INTS5: variants seen among roughly 807,000 people sequenced by gnomAD.
INTS5 encodes KIAA1698.
Under a neutral mutation model 60.0 loss-of-function variants are expected in INTS5, and 29 were observed. That is an observed-to-expected ratio of 0.48 (90% CI 0.36 to 0.66). The LOEUF is 0.66. Among genes scored for constraint, INTS5 ranks in the 30% least tolerant of loss-of-function variants. The pLI is 0.00. For missense variants in INTS5, 1,129 were observed against 1,307.9 expected, an observed-to-expected ratio of 0.86 and a Z score of 2.11; for synonymous variants, 588 against 558.8, an observed-to-expected ratio of 1.05 and a Z score of -0.74.
chr11:62,647,893 C>T lies in INTS5; in HGVS notation c.2187G>A (p.Leu729=). The T allele has an allele frequency of 6.2e-7, 1 of 1,614,232 alleles. No homozygotes were observed. Among genetic ancestry groups the T allele is most frequent in the Non-Finnish European group, 8.5e-7 (1 of 1,180,040 alleles). The change falls in exon 2 of 2, where the codon TTG becomes TTA. Residue 729 remains leucine, a synonymous_variant. Coordinates refer to ENST00000330574, the MANE Select transcript of INTS5 (RefSeq NM_030628.2). ...CTGCAGTGTGCCTCCGGTTAGTGTC[C>T]AACAGGGAGGCAGAAGCCAAAGAAG... is the stretch of plus-strand genomic sequence containing the variant. The part of the protein sequence containing the change: ...VSASLASASL[L]DTNRRHTAAV...
rs1436023037 is a variant in INTS5 at position 62,647,687 on chromosome 11, C to A, written c.2393G>T (p.Cys798Phe). The A allele has an allele frequency of 7.4e-6, 12 of 1,614,042 alleles. No individual in the cohort carries two copies. Among genetic ancestry groups the A allele is most frequent in the Non-Finnish European group, 1.0e-5 (12 of 1,180,054 alleles). The change falls in exon 2 of 2, where the codon TGC (cysteine) becomes TTC (phenylalanine). Residue 798 changes from cysteine to phenylalanine, a missense_variant. By Grantham distance (205) the Cys-to-Phe change is radical. This residue lies in a region of INTS5 where 1,070 missense variants were observed against 1,246.1 expected (regional missense o/e 0.86). Transcript: ENST00000330574. ...SAPGGTECGE[C>F]WGAPILSPEA... is the part of the protein sequence containing the mutation. ...TGGACTCAAGATGGGTGCCCCCCAG[C>A]ATTCCCCACATTCAGTGCCCCCTGG...
chr11:62,653,035 G>C (rs556714805), intron 1 of INTS5, 135 bp downstream of exon 1: 3 of 536,544 alleles, frequency 5.6e-6, no homozygotes, highest in South Asian at 2.0e-4. Flanking sequence ...CAGTCCCTGA[G>C]TTCTGGGAGG....
chr11:62,648,839 G>C lies in INTS5; in HGVS notation c.1241C>G (p.Ala414Gly). Residue 414 changes from alanine (A) to glycine (G), a missense_variant, in exon 2 of 2, where the codon GCT (alanine) becomes GGT (glycine). Around this residue, in one of 3 missense-constraint regions of INTS5, gnomAD observed 1,070 missense variants for 1,246.1 expected, o/e 0.86. Coordinates refer to ENST00000330574, the MANE Select transcript of INTS5 (RefSeq NM_030628.2). This position sits in a 1 kb window ranked among gnomAD's most constrained non-coding sequence, Gnocchi z 4.4. ...YRLLQFLVDT[A>G]MPASVITTQG... ...GGTGGTAATGACCGAAGCAGGCATA[G>C]CTGTGTCCACCAGGAACTGCAGCAA... The C allele has an allele frequency of 6.2e-7, 1 of 1,614,064 alleles. No individual in the cohort carries two copies.
In INTS5 at chr11:62,650,871, CTAA is replaced by C. The variant is rs1721541358; in HGVS notation, c.81-875_81-873del. On this transcript the variant is annotated intron_variant, in intron 1 of 1. Transcript: ENST00000330574. Reference sequence around the variant, plus strand: ...TTCAAGCACATGCCACGACACCCAGCTAACTTTTTAACCTTTTTATAGAAATGA... The same window carrying C: ...TTCAAGCACATGCCACGACACCCAGCCTTTTTAACCTTTTTATAGAAATGA... Among the ~76,000 whole-genome samples, 3 of 152,248 alleles carry C rather than the reference CTAA, an allele frequency of 2.0e-5. No homozygotes were observed. The South Asian group carries it at 6.2e-4, about 32-fold the overall frequency.
intron 1 of INTS5, 116 bp from the exon 2 acceptor site, chr11:62,650,115 A>G (rs1046477510): frequency 8.3e-6 from 7 of 847,032 alleles, no homozygotes; most frequent in Middle Eastern, 2.3e-4. Context: ...TACTTCCCTC[A>G]TAAGAGAATT....
rs921124378 is a variant in INTS5, at chr11:62,653,160, C to T, written c.80+10G>A. Reference sequence around the variant, plus strand: ...CGCGATGGGGGGAAGGTGCCAAGGGCTCTAACTACCTGAGAGGCGCGGGAC... The same window carrying T: ...CGCGATGGGGGGAAGGTGCCAAGGGTTCTAACTACCTGAGAGGCGCGGGAC... On this transcript the variant is annotated intron_variant, in intron 1 of 1. Transcript: ENST00000330574. 4.0e-6 allele frequency: 5 copies of T among 1,244,356 alleles called. No individual in the cohort carries two copies. The highest frequency in any genetic ancestry group is 4.2e-5 in the Admixed American group (1 of 23,684). 77.1% of individuals were successfully genotyped at this position (1,244,356 alleles called of 1,614,324 possible).
chr11:62,648,482 C>T lies in INTS5; in HGVS notation c.1598G>A (p.Ser533Asn). 1 of 1,614,196 alleles carries T rather than the reference C, an allele frequency of 6.2e-7. No individual in the cohort carries two copies. Among genetic ancestry groups the T allele is most frequent in the Non-Finnish European group, 8.5e-7 (1 of 1,180,046 alleles). ...CCCTGCATATAACTGGGTGGCCAAA[C>T]TCAACTCTTCAGGGCTTCGGGCTCG... ...LSRARSPEEL[S>N]LATQLYAGLV... The change falls in exon 2 of 2, where the codon AGT becomes AAT. Residue 533 changes from serine to asparagine, a missense_variant. Around this residue, in one of 3 missense-constraint regions of INTS5, gnomAD observed 1,070 missense variants for 1,246.1 expected, o/e 0.86. Coordinates refer to ENST00000330574, the MANE Select transcript of INTS5 (RefSeq NM_030628.2). This position sits in a 1 kb window ranked among gnomAD's most constrained non-coding sequence, Gnocchi z 4.4.
chr11:62,648,051 G>A lies in INTS5; in HGVS notation c.2029C>T (p.Leu677=), dbSNP rs1944551623. The A allele has an allele frequency of 6.2e-7, 1 of 1,614,110 alleles. No individual in the cohort carries two copies. The highest frequency in any genetic ancestry group is 2.2e-5 in the East Asian group (1 of 44,896). ...AGCCCAGCTGGGGATGTCTGAGACA[G>A]GCGGGTGAGAAGCTGACAGGCTGAG... ...VASACQLLTR[L]SQTSPAGLKA... The change falls in exon 2 of 2, where the codon CTG becomes TTG. Residue 677 remains leucine, a synonymous_variant. Transcript: ENST00000330574. The surrounding 1 kb of genome is among the most constrained non-coding windows in gnomAD (Gnocchi z 4.4).
At position 62,649,934 on chromosome 11, in the gene INTS5, T is replaced by C; in HGVS notation, c.146A>G (p.Gln49Arg). 1 of 1,614,162 alleles carries C rather than the reference T, an allele frequency of 6.2e-7. No homozygotes were observed. The highest frequency in any genetic ancestry group is 8.5e-7 in the Non-Finnish European group (1 of 1,180,026). The change falls in exon 2 of 2, where the codon CAA (glutamine) becomes CGA (arginine). Residue 49 changes from glutamine (Q) to arginine (R), a missense_variant. Physicochemically the swap from Gln to Arg is conservative, Grantham distance 43. This residue lies in a region of INTS5 where 1,070 missense variants were observed against 1,246.1 expected (regional missense o/e 0.86). Coordinates refer to ENST00000330574, the MANE Select transcript of INTS5 (RefSeq NM_030628.2). The surrounding 1 kb of genome is among the most constrained non-coding windows in gnomAD (Gnocchi z 6.0). ...GCGAGCATGTTCCCGGGCTGAGAGT[T>C]GGTGGCCCAGAATGGGGTCTACGCC... ...LTGVDPILGHQLSAREHARCG... is the reference protein window; with the variant it reads ...LTGVDPILGHRLSAREHARCG...
chr11:62,647,366 T>C lies in INTS5; in HGVS notation c.2714A>G (p.Glu905Gly). ...PDTTHSPWHL[E>G]ASCTLVAVMA... ...GACAGCCACTAAGGTGCAGGATGCCTCCAGGTGCCAGGGGGAGTGGGTCGT... is the reference window on the plus strand; with the variant it reads ...GACAGCCACTAAGGTGCAGGATGCCCCCAGGTGCCAGGGGGAGTGGGTCGT... The change falls in exon 2 of 2, where the codon GAG becomes GGG. Residue 905 changes from glutamate to glycine, a missense_variant. Physicochemically the swap from Glu to Gly is moderately conservative, Grantham distance 98. Transcript: ENST00000330574. 6.2e-7 allele frequency: 1 copy of C among 1,613,548 alleles called. No individual in the cohort carries two copies. The highest frequency in any genetic ancestry group is 8.5e-7 in the Non-Finnish European group (1 of 1,179,868).
Position 62,649,273 on chromosome 11 carries a change from C to T in INTS5, c.807G>A (p.Gln269=), listed in dbSNP as rs1321715877. The change falls in exon 2 of 2, where the codon CAG becomes CAA. Residue 269 remains glutamine (Q), a synonymous_variant. Transcript: ENST00000330574. The surrounding 1 kb of genome is among the most constrained non-coding windows in gnomAD (Gnocchi z 6.0). The part of the protein sequence containing the change: ...GAGSSGGSSS[Q]TPSTDPFPGS... ...CAGGGAAGGGGTCTGTAGAGGGGGT[C>T]TGAGAAGAGCTTCCACCACTACTGC... 6.2e-7 allele frequency: 1 copy of T among 1,614,114 alleles called. No individual in the cohort carries two copies. The highest frequency in any genetic ancestry group is 1.7e-5 in the Admixed American group (1 of 60,014).
At position 62,649,994 on chromosome 11, in the gene INTS5, T is replaced by C. The variant is rs927191973; in HGVS notation, c.86A>G (p.Gln29Arg). The part of the protein sequence containing the change: ...ATHGPAPLSA[Q>R]ELSQEIKAFL... ...AGCCTTGATTTCCTGGGACAGCTCC[T>C]GAGCACTACAAGGAAGCAAAAGAAA... The change falls in exon 2 of 2, where the codon CAG (glutamine) becomes CGG (arginine). Residue 29 changes from glutamine (Q) to arginine (R), a missense_variant. Physicochemically the swap from Gln to Arg is conservative, Grantham distance 43. Coordinates refer to ENST00000330574, the MANE Select transcript of INTS5 (RefSeq NM_030628.2). This position sits in a 1 kb window ranked among gnomAD's most constrained non-coding sequence, Gnocchi z 6.0. 6.2e-7 allele frequency: 1 copy of C among 1,613,626 alleles called. No individual in the cohort carries two copies. Among genetic ancestry groups the C allele is most frequent in the South Asian group, 1.1e-5 (1 of 91,084 alleles).
rs1212134342 is a variant in INTS5, at chr11:62,648,381, G to C, written c.1699C>G (p.Gln567Glu). 6.2e-7 allele frequency: 1 copy of C among 1,614,048 alleles called. No homozygotes were observed. The highest frequency in any genetic ancestry group is 8.5e-7 in the Non-Finnish European group (1 of 1,180,042). Reference sequence around the variant, plus strand: ...AGGAACCGGGCCGTGAAGGGAGGCTGTAATGTCCCTGCATGCACCCGAGCC... The same window carrying C: ...AGGAACCGGGCCGTGAAGGGAGGCTCTAATGTCCCTGCATGCACCCGAGCC... ...CLARVHAGTL[Q>E]PPFTARFLRN... The change falls in exon 2 of 2, where the codon CAG becomes GAG. Residue 567 changes from glutamine to glutamate, a missense_variant. By Grantham distance (29) the Gln-to-Glu change is conservative (BLOSUM62 2). Transcript: ENST00000330574. The surrounding 1 kb of genome is among the most constrained non-coding windows in gnomAD (Gnocchi z 4.4).
Position 62,653,226 on chromosome 11 carries a change from G to C in INTS5, c.24C>G (p.Pro8=). MSALCDP[P]GAPGPPGPAP... is the part of the protein sequence containing the mutation. ...CAGGCCCAGGTGGCCCTGGGGCCCC[G>C]GGAGGGTCGCACAGCGCGGACATCC... is the stretch of plus-strand genomic sequence containing the variant. Residue 8 remains proline (P), a synonymous_variant, in exon 1 of 2, where the codon CCC becomes CCG. Transcript: ENST00000330574. 1 of 1,246,222 alleles carries C rather than the reference G, an allele frequency of 8.0e-7. No homozygotes were observed. The allele number at this position is 1,246,222 out of a possible 1,614,324, so 77.2% of individuals were successfully genotyped here.
chr11:62,652,083 G>GCCA (rs1944599442), intron 1 of INTS5, among the ~76,000 whole-genome samples: 1 of 151,370 alleles, frequency 6.6e-6, no homozygotes, highest in East Asian at 1.9e-4. Context: ...ACTCTGGGAG[G>GCCA]CCAAGGAGGG....
In INTS5 at chr11:62,648,373, G is replaced by C; in HGVS notation, c.1707C>G (p.Pro569=). The C allele has an allele frequency of 1.2e-6, 2 of 1,614,140 alleles. No homozygotes were observed. The highest frequency in any genetic ancestry group is 1.7e-6 in the Non-Finnish European group (2 of 1,180,030). Residue 569 remains proline, a synonymous_variant, in exon 2 of 2, where the codon CCC becomes CCG. Coordinates refer to ENST00000330574, the MANE Select transcript of INTS5 (RefSeq NM_030628.2). This position sits in a 1 kb window ranked among gnomAD's most constrained non-coding sequence, Gnocchi z 4.4. ...AGTTGCGCAGGAACCGGGCCGTGAA[G>C]GGAGGCTGTAATGTCCCTGCATGCA... ...ARVHAGTLQP[P]FTARFLRNLA... is the part of the protein sequence containing the mutation.
In INTS5 at chr11:62,649,575, C is replaced by T. The variant is rs148036356; in HGVS notation, c.505G>A (p.Ala169Thr). ...AGCAGTTCATTAAGAGCGCCAGTAG[C>T]GTGGGGAACACGCTGGTGCTGGCCT... is the stretch of plus-strand genomic sequence containing the variant. Reference protein sequence around the residue: ...YSGQHQRVPHATGALNELLQL... With the variant: ...YSGQHQRVPHTTGALNELLQL... The change falls in exon 2 of 2, where the codon GCT (alanine) becomes ACT (threonine). Residue 169 changes from alanine to threonine, a missense_variant. By Grantham distance (58) the Ala-to-Thr change is moderately conservative. Coordinates refer to ENST00000330574, the MANE Select transcript of INTS5 (RefSeq NM_030628.2). The surrounding 1 kb of genome is among the most constrained non-coding windows in gnomAD (Gnocchi z 6.0). 81 of 1,614,074 alleles carry T rather than the reference C, an allele frequency of 5.0e-5. No individual in the cohort carries two copies. Among genetic ancestry groups the T allele is most frequent in the African/African-American group, 1.1e-4 (8 of 74,938 alleles).
Position 62,647,775 on chromosome 11 carries a change from G to T in INTS5, c.2305C>A (p.Gln769Lys). ...KPPKFVQSRNQQEVIYNTQSL... is the reference protein window; with the variant it reads ...KPPKFVQSRNKQEVIYNTQSL... Reference sequence around the variant, plus strand: ...TGGGTGTTATAGATCACTTCCTGCTGATTTCGTGACTGGACAAACTTGGGT... The same window carrying T: ...TGGGTGTTATAGATCACTTCCTGCTTATTTCGTGACTGGACAAACTTGGGT... The change falls in exon 2 of 2, where the codon CAG (glutamine) becomes AAG (lysine). Residue 769 changes from glutamine to lysine, a missense_variant. This residue lies in a region of INTS5 where 1,070 missense variants were observed against 1,246.1 expected (regional missense o/e 0.86). Transcript: ENST00000330574. 1 of 1,614,196 alleles carries T rather than the reference G, an allele frequency of 6.2e-7. No individual in the cohort carries two copies. Among genetic ancestry groups the T allele is most frequent in the Non-Finnish European group, 8.5e-7 (1 of 1,180,038 alleles).
Position 62,647,191 on chromosome 11 carries a change from T to C in INTS5, c.2889A>G (p.Gln963=), listed in dbSNP as rs142870880. The C allele has an allele frequency of 5.0e-5, 81 of 1,614,176 alleles. No individual in the cohort carries two copies. In the African/African-American group the frequency reaches 6.1e-4, roughly 12 times the overall value. ...CCCGAATGAAGCGACCCCGCTCTGA[T>C]TGGAAGATGAACTTCTGAGGCAAGG... The part of the protein sequence containing the change: ...HGPLPQKFIF[Q]SERGRFIRDF... Residue 963 remains glutamine (Q), a synonymous_variant, in exon 2 of 2, where the codon CAA becomes CAG. Transcript: ENST00000330574.
Sources: allele counts gnomAD v4.1 joint callset (sites outside exome capture counted in the v4.1 genomes callset), GRCh38; gene constraint gnomAD v4.1.1; regional missense constraint gnomAD v4.1.1; non-coding constraint Gnocchi (gnomAD v3.1); transcripts MANE v1.5; gene names NCBI Gene and HGNC (gene_info 2026-07-23, HGNC 2026-07-21).